FMNL1: variants seen among roughly 807,000 people sequenced by gnomAD.
The protein encoded by FMNL1 is formin like 1.
FMNL1 carries 43 observed loss-of-function variants against 121.3 expected under a neutral mutation model. That is an observed-to-expected ratio of 0.35 (90% CI 0.28 to 0.46). FMNL1 has a LOEUF of 0.46. FMNL1 is among the 20% of genes least tolerant of loss of function. The pLI is 1.00. For synonymous variants in FMNL1, 613 were observed against 613.5 expected, an observed-to-expected ratio of 1.00 and a Z score of 0.01; for missense variants, 1,191 against 1,482.4, an observed-to-expected ratio of 0.80 and a Z score of 3.23.
intron 10 of FMNL1, 56 bp downstream of exon 10, chr17:45,238,694 G>C: frequency 1.2e-6 from 2 of 1,605,962 alleles, no homozygotes; most frequent in Non-Finnish European, 1.7e-6. Flanking sequence ...TGGGTGCAGG[G>C]AGCAGCTAGG....
In FMNL1 at chr17:45,222,393, G is replaced by A; in HGVS notation, c.129+140G>A. The A allele has an allele frequency of 4.3e-6, 3 of 691,548 alleles. No homozygotes were observed. The South Asian group carries it at 2.1e-4, about 48-fold the overall frequency. The allele number at this position is 691,548 out of a possible 1,614,324, so 42.8% of individuals were successfully genotyped here. ...CCGGCAGCTGCCCCCTCCAGGAGGT[G>A]GGAGCGACAGTGGCCTTTTTTTCAG... On this transcript the variant is annotated intron_variant, in intron 1 of 26. Coordinates refer to ENST00000331495, the MANE Select transcript of FMNL1 (RefSeq NM_005892.4).
At chr17:45,246,745 A>G in intron 26 of FMNL1, 122 bp from the exon 27 acceptor site, 1 of 825,270 alleles carries the variant, frequency 1.2e-6, no homozygotes, top group Admixed American at 2.5e-5. Context: ...GCAAACATAA[A>G]CGGTACCCCT....
At chr17:45,232,672 T>C (rs2043463759) in intron 3 of FMNL1, among the ~76,000 whole-genome samples, 192 bp downstream of exon 3, 1 of 152,164 alleles carries the variant, frequency 6.6e-6, no homozygotes, top group East Asian at 1.9e-4. Flanking sequence ...GATATTCCTC[T>C]GTACATCCTG....
At chr17:45,239,611 C>T (rs1316993337) in intron 11 of FMNL1, among the ~76,000 whole-genome samples, 1 of 151,984 alleles carries the variant, frequency 6.6e-6, no homozygotes, top group East Asian at 1.9e-4. Flanking sequence ...GCGGGGCTTT[C>T]GGGGTTGGAT....
At chr17:45,238,428 G>A (rs2043598656) in intron 9 of FMNL1, 136 bp from the exon 10 acceptor site, 13 of 824,790 alleles carry the variant, frequency 1.6e-5, no homozygotes, top group Middle Eastern at 3.4e-4. Flanking sequence ...GGGAGTGGAG[G>A]TTTTGAGCAG....
chr17:45,241,151 C>T lies in FMNL1; in HGVS notation c.1253C>T (p.Ala418Val), dbSNP rs1397242212. 3.7e-6 allele frequency: 6 copies of T among 1,613,930 alleles called. No individual in the cohort carries two copies. Among genetic ancestry groups the T allele is most frequent in the Non-Finnish European group, 5.1e-6 (6 of 1,179,972 alleles). ...CAGCTGACAGAGCGGCTTCGGGACG[C>T]GGAGAACGAATCCATGGCCAAGATT... ...VALLTERLRDAENESMAKIAE... is the reference protein window; with the variant it reads ...VALLTERLRDVENESMAKIAE... The change falls in exon 13 of 27, where the codon GCG becomes GTG. Residue 418 changes from alanine to valine, a missense_variant. Physicochemically the swap from Ala to Val is moderately conservative, Grantham distance 64 (BLOSUM62 0). Coordinates refer to ENST00000331495, the MANE Select transcript of FMNL1 (RefSeq NM_005892.4). This position sits in a 1 kb window ranked among gnomAD's most constrained non-coding sequence, Gnocchi z 7.0.
intron 17 of FMNL1, 88 bp from the exon 18 acceptor site, chr17:45,243,703 A>G: frequency 7.2e-6 from 9 of 1,254,358 alleles, no homozygotes; most frequent in Non-Finnish European, 9.9e-6. Flanking sequence ...ACTGAAATTC[A>G]TTTATTCAAT....
chr17:45,238,165 G>A (rs2043592741), intron 9 of FMNL1: 2 of 213,182 alleles, frequency 9.4e-6, no homozygotes, highest in South Asian at 1.6e-4. Flanking sequence ...AGTATGTTAG[G>A]AAATGATAAA....
chr17:45,242,311 C>T (rs548791432), intron 15 of FMNL1, 30 bp from the exon 16 acceptor site: 2 of 1,610,662 alleles, frequency 1.2e-6, no homozygotes, highest in South Asian at 2.2e-5. Context: ...ACCCCCAGTG[C>T]TCACCACTGC....
In FMNL1 at chr17:45,242,067, TCCGCCGCCGCCGCCGCCG is replaced by T; in HGVS notation, c.1815_1832del (p.Pro607_Pro612del). Reference sequence around the variant, plus strand: ...CTCCGGGCACTGACGGGCCGGTGCCTCCGCCGCCGCCGCCGCCGCCGCCGCCTCCCGGAGGTCCTCCTG... The same window carrying T: ...CTCCGGGCACTGACGGGCCGGTGCCTCCGCCGCCTCCCGGAGGTCCTCCTG... On this transcript the variant is annotated inframe_deletion, in exon 15 of 27. Coordinates refer to ENST00000331495, the MANE Select transcript of FMNL1 (RefSeq NM_005892.4). 6.8e-7 allele frequency: 1 copy of T among 1,461,648 alleles called. No individual in the cohort carries two copies. Among genetic ancestry groups the T allele is most frequent in the Non-Finnish European group, 9.1e-7 (1 of 1,103,078 alleles). The allele number at this position is 1,461,648 out of a possible 1,614,324, so 90.5% of individuals were successfully genotyped here.
rs1393615099 is a variant in FMNL1, at chr17:45,247,078, T to G, written c.*220T>G. The G allele has an allele frequency of 6.5e-6, 4 of 616,970 alleles. No homozygotes were observed. The African/African-American group carries it at 7.3e-5, about 11-fold the overall frequency. 38.2% of individuals were successfully genotyped at this position (616,970 alleles called of 1,614,324 possible). A position where few individuals can be genotyped will look rare whatever the true frequency, so the allele number is the denominator to read the frequency against. On this transcript the variant is annotated 3_prime_UTR_variant, in exon 27 of 27. Transcript: ENST00000331495. The stretch of plus-strand genomic sequence containing the variant: ...TGGCCGGGCAGCCCCTCCTCCGCTG[T>G]GGCCCGCCTCAAACGGGCTGGTGCA...
intron 1 of FMNL1, among the ~76,000 whole-genome samples, chr17:45,230,198 A>G (rs2143286125): frequency 6.6e-6 from 1 of 152,278 alleles, no homozygotes; most frequent in African/African-American, 2.4e-5. Context: ...CTGACTGGTG[A>G]TGGCTCCCCT....
At chr17:45,227,077 T>G (rs1231049138) in intron 1 of FMNL1, among the ~76,000 whole-genome samples, 24 of 128,778 alleles carry the variant, frequency 1.9e-4, no homozygotes, top group East Asian at 2.2e-4. Flanking sequence ...GATGGGGGAG[T>G]GGGGGCTGGG....
intron 1 of FMNL1, among the ~76,000 whole-genome samples, 164 bp from the exon 2 acceptor site, chr17:45,230,440 C>T (rs1025360916): frequency 4.6e-5 from 7 of 152,084 alleles, no homozygotes; most frequent in Non-Finnish European, 7.4e-5. Context: ...CTCTCTTGGC[C>T]TTGGTCTTCT....
chr17:45,227,957 C>T (rs190025848), intron 1 of FMNL1, among the ~76,000 whole-genome samples: 6 of 152,138 alleles, frequency 3.9e-5, no homozygotes, highest in Non-Finnish European at 7.3e-5. Flanking sequence ...TCCCTGCCCC[C>T]CTCAGGAGGC....
At chr17:45,244,354 T>C in intron 19 of FMNL1, 110 bp downstream of exon 19, 2 of 1,314,508 alleles carry the variant, frequency 1.5e-6, no homozygotes, top group Non-Finnish European at 2.1e-6. Flanking sequence ...CCACTTCTCA[T>C]GTACATGCTG....
At chr17:45,242,700 T>A (rs2043735979) in intron 16 of FMNL1, among the ~76,000 whole-genome samples, 1 of 152,172 alleles carries the variant, frequency 6.6e-6, no homozygotes, top group Non-Finnish European at 1.5e-5. Context: ...TCACCCCACT[T>A]CTTCTGCCTC....
intron 7 of FMNL1, 125 bp downstream of exon 7, chr17:45,236,369 C>T: frequency 2.7e-6 from 2 of 751,046 alleles, no homozygotes; most frequent in Non-Finnish European, 4.3e-6. Flanking sequence ...GGAACTTGCG[C>T]ATCTGGGCTG....
At chr17:45,224,435 G>A (rs1217815105) in intron 1 of FMNL1, among the ~76,000 whole-genome samples, 1 of 152,214 alleles carries the variant, frequency 6.6e-6, no homozygotes, top group African/African-American at 2.4e-5. Flanking sequence ...TGTCTAAGAG[G>A]AGAAGAACCT....
Sources: gnomAD v4.1 joint callset for allele counts (sites outside exome capture counted in the v4.1 genomes callset) on GRCh38, gnomAD v4.1.1 for gene constraint, Gnocchi (gnomAD v3.1) non-coding constraint, MANE v1.5 for transcripts, NCBI Gene and HGNC (gene_info 2026-07-23, HGNC 2026-07-21) for gene names.